ARSB: variants seen among roughly 807,000 people sequenced by gnomAD.
The protein encoded by ARSB is N-acetylgalactosamine-4-sulfatase.
Under a neutral mutation model 50.9 loss-of-function variants are expected in ARSB, and 41 were observed. That is an observed-to-expected ratio of 0.81 (90% CI 0.63 to 1.04). The LOEUF (loss-of-function observed/expected upper bound fraction) is 1.04, where lower values mean the gene tolerates loss of function less well. Among genes scored for constraint, ARSB ranks in the 50% least tolerant of loss-of-function variants. ARSB has a pLI of 0.00. For missense variants in ARSB, 672 were observed against 693.3 expected (o/e 0.97, Z 0.35); for synonymous variants, 269 against 284.8 (o/e 0.94, Z 0.56).
Position 78,796,497 on chromosome 5 carries a change from G to A in ARSB, c.1214-14523C>T, listed in dbSNP as rs115542177. The stretch of plus-strand genomic sequence containing the variant: ...AAGAAAGAGTGACAAATATGATCAA[G>A]GCAGAAGGAGGGTCTCTCTTTTTGA... On this transcript the variant is annotated intron_variant, in intron 6 of 7. Transcript: ENST00000264914. Among the ~76,000 whole-genome samples, 491 of 152,314 alleles carry A rather than the reference G, an allele frequency of 3.2e-3. 1 individual carries two copies. The highest frequency in any genetic ancestry group is 0.01 in the Middle Eastern group (3 of 294).
At chr5:78,803,659 C>T (rs1019804304) in intron 6 of ARSB, among the ~76,000 whole-genome samples, 1 of 152,370 alleles carries the variant, frequency 6.6e-6, no homozygotes. Context: ...GCTTGATCAG[C>T]CATCTGCTTC....
At chr5:78,833,676 C>T (rs936660130) in intron 6 of ARSB, among the ~76,000 whole-genome samples, 8 of 152,198 alleles carry the variant, frequency 5.3e-5, no homozygotes, top group Non-Finnish European at 1.2e-4. Context: ...CTCAGAACAG[C>T]AAGAAGAGGC....
intron 4 of ARSB, among the ~76,000 whole-genome samples, chr5:78,908,418 G>A (rs969632331): frequency 5.3e-4 from 76 of 143,626 alleles, no homozygotes; most frequent in Non-Finnish European, 2.8e-4. Context: ...TTTAAGAAAA[G>A]GCTCAACAGG....
intron 6 of ARSB, among the ~76,000 whole-genome samples, chr5:78,792,774 G>A (rs1743019706): frequency 6.6e-6 from 1 of 152,112 alleles, no homozygotes; most frequent in South Asian, 2.1e-4. Flanking sequence ...CCAACTGAAA[G>A]AAATCATTTC....
intron 5 of ARSB, among the ~76,000 whole-genome samples, chr5:78,847,020 A>G (rs1745476148): frequency 6.6e-6 from 1 of 152,122 alleles, no homozygotes; most frequent in Non-Finnish European, 1.5e-5. Context: ...TGTGGTTTTT[A>G]TACTTCATTC....
At chr5:78,902,057 T>C (rs1378173904) in intron 4 of ARSB, among the ~76,000 whole-genome samples, 1 of 152,266 alleles carries the variant, frequency 6.6e-6, no homozygotes, top group East Asian at 1.9e-4. Flanking sequence ...TTCTGGAGGC[T>C]GGGAAGTCTA....
At chr5:78,823,982 G>A (rs1464762720) in intron 6 of ARSB, among the ~76,000 whole-genome samples, 1 of 152,194 alleles carries the variant, frequency 6.6e-6, no homozygotes, top group Non-Finnish European at 1.5e-5. Flanking sequence ...GAGTGTTTGG[G>A]CCATAGGGGC....
At chr5:78,874,079 A>T (rs1434763644) in intron 5 of ARSB, among the ~76,000 whole-genome samples, 1 of 152,256 alleles carries the variant, frequency 6.6e-6, no homozygotes, top group East Asian at 1.9e-4. Context: ...TAACATTTTC[A>T]AGAAACTCAA....
At chr5:78,878,128 C>A (rs1056063859) in intron 5 of ARSB, among the ~76,000 whole-genome samples, 1 of 152,068 alleles carries the variant, frequency 6.6e-6, no homozygotes, top group Admixed American at 6.5e-5. Flanking sequence ...AACTGGGGGA[C>A]AACTTTAAGT....
At chr5:78,815,401 C>T (rs944798818) in intron 6 of ARSB, 16 of 386,618 alleles carry the variant, frequency 4.1e-5, no homozygotes, top group Admixed American at 1.3e-4. Context: ...GCTTCAAGAA[C>T]AGAAGAGAGC....
At chr5:78,965,241 C>T (rs771595747) in intron 2 of ARSB, among the ~76,000 whole-genome samples, 7 of 152,256 alleles carry the variant, frequency 4.6e-5, no homozygotes, top group Middle Eastern at 6.8e-3. Context: ...ATGGCATCAA[C>T]GGCCTATCCC....
intron 6 of ARSB, among the ~76,000 whole-genome samples, chr5:78,796,438 G>A (rs895789170): frequency 1.3e-5 from 2 of 152,254 alleles, no homozygotes; most frequent in African/African-American, 2.4e-5. Context: ...GAGGATCCAG[G>A]AAGAGCCCTA....
chr5:78,813,375 A>T (rs114203831), intron 6 of ARSB, among the ~76,000 whole-genome samples: 381 of 152,298 alleles, frequency 2.5e-3, no homozygotes, highest in African/African-American at 8.9e-3. Flanking sequence ...ATATATTTTC[A>T]TGAACAGTTT....
intron 5 of ARSB, among the ~76,000 whole-genome samples, chr5:78,852,166 T>C (rs907195838): frequency 1.1e-4 from 16 of 152,240 alleles, no homozygotes; most frequent in African/African-American, 3.9e-4. Context: ...CGATGGTCTT[T>C]ACAATTTGGC....
intron 5 of ARSB, among the ~76,000 whole-genome samples, chr5:78,877,895 G>A (rs1747561829): frequency 6.6e-6 from 1 of 152,188 alleles, no homozygotes; most frequent in African/African-American, 2.4e-5. Context: ...TATTCTATAT[G>A]TTCAGGAAGT....
chr5:78,956,732 T>G lies in ARSB; in HGVS notation c.691-1230A>C, dbSNP rs1473473505. Among the ~76,000 whole-genome samples, 3 of 152,290 alleles carry G rather than the reference T, an allele frequency of 2.0e-5. No individual in the cohort carries two copies. The South Asian group carries it at 6.2e-4, about 32-fold the overall frequency. On this transcript the variant is annotated intron_variant, in intron 3 of 7. Coordinates refer to ENST00000264914, the MANE Select transcript of ARSB (RefSeq NM_000046.5). ...CTCATTTAATGAAACCACCCTATGT[T>G]ACAGCAATTTTACAGATGAGTTAAC...
intron 6 of ARSB, among the ~76,000 whole-genome samples, chr5:78,813,419 G>A (rs1743885277): frequency 6.6e-6 from 1 of 152,116 alleles, no homozygotes; most frequent in Non-Finnish European, 1.5e-5. Flanking sequence ...TTAAACATGA[G>A]ATATAATCTC....
chr5:78,950,526 G>C (rs1225607062), intron 4 of ARSB, among the ~76,000 whole-genome samples: 1 of 152,228 alleles, frequency 6.6e-6, no homozygotes, highest in Non-Finnish European at 1.5e-5. Flanking sequence ...AGGTCTGGCA[G>C]TGCTGGCACA....
chr5:78,820,175 C>A (rs913989922), intron 6 of ARSB, among the ~76,000 whole-genome samples: 2 of 152,188 alleles, frequency 1.3e-5, no homozygotes, highest in African/African-American at 4.8e-5. Flanking sequence ...CCTCACCAGA[C>A]ACCAAATCTG....
Sources: gnomAD v4.1 joint callset for allele counts (sites outside exome capture counted in the v4.1 genomes callset) on GRCh38, gnomAD v4.1.1 for gene constraint, MANE v1.5 for transcripts, NCBI Gene and HGNC (gene_info 2026-07-23, HGNC 2026-07-21) for gene names.